Variants in SCAMP1 observed in about 807,000 individuals in gnomAD.
SCAMP1 encodes secretory carrier-associated membrane protein 1.
SCAMP1 carries 15 observed loss-of-function variants against 41.8 expected under a neutral mutation model. That is an observed-to-expected ratio of 0.36 (90% confidence interval 0.24 to 0.55). The LOEUF is 0.55. Ranked by LOEUF, SCAMP1 falls within the 20% of genes least tolerant of loss-of-function variation. The pLI, the probability that SCAMP1 is intolerant of heterozygous loss-of-function variation, is 0.86. For synonymous variants in SCAMP1, 135 were observed against 136.8 expected (o/e 0.99, Z 0.09); for missense variants, 341 against 412.6 (o/e 0.83, Z 1.50).
intron 2 of SCAMP1, among the ~76,000 whole-genome samples, chr5:78,408,458 T>A (rs1169484522): frequency 6.6e-6 from 1 of 152,206 alleles, no homozygotes; most frequent in Non-Finnish European, 1.5e-5. Flanking sequence ...TTAATGTTTG[T>A]TCCTCTACTT....
intron 8 of SCAMP1, among the ~76,000 whole-genome samples, chr5:78,467,032 A>G (rs985058127): frequency 1.6e-4 from 24 of 152,178 alleles, no homozygotes; most frequent in African/African-American, 5.8e-4. Flanking sequence ...TTTGGGGATC[A>G]AGATGTTTTC....
chr5:78,423,910 T>A (rs1221101624), intron 6 of SCAMP1, among the ~76,000 whole-genome samples: 1 of 151,780 alleles, frequency 6.6e-6, no homozygotes, highest in East Asian at 1.9e-4. Context: ...AATGGCTTGA[T>A]CTCGGTTCAC....
chr5:78,417,071 T>G (rs1752228093), intron 4 of SCAMP1, among the ~76,000 whole-genome samples: 1 of 152,194 alleles, frequency 6.6e-6, no homozygotes, highest in South Asian at 2.1e-4. Context: ...TTTTGTCAAA[T>G]CATGTTAGAA....
chr5:78,413,638 G>A (rs62362631), intron 2 of SCAMP1, among the ~76,000 whole-genome samples: 41,418 of 151,920 alleles, frequency 0.27, 5,939 homozygotes, highest in East Asian at 0.54. Flanking sequence ...GGGTGGTCTC[G>A]AACTCCTGAG....
chr5:78,448,892 C>T (rs746761138), intron 6 of SCAMP1, among the ~76,000 whole-genome samples: 2 of 151,798 alleles, frequency 1.3e-5, no homozygotes, highest in Non-Finnish European at 2.9e-5. Flanking sequence ...CCCAACTACT[C>T]GGGAGGCTGA....
At chr5:78,453,295 C>T (rs796740045) in intron 7 of SCAMP1, among the ~76,000 whole-genome samples, 3,343 of 150,562 alleles carry the variant, frequency 0.022, 157 homozygotes, top group Admixed American at 0.12. Context: ...CCCAGGTTTT[C>T]TTCTAGGGTT....
Position 78,415,532 on chromosome 5 carries a change from G to C in SCAMP1, c.148G>C (p.Gly50Arg). 1 of 1,601,644 alleles carries C rather than the reference G, an allele frequency of 6.2e-7. No homozygotes were observed. The highest frequency in any genetic ancestry group is 8.5e-7 in the Non-Finnish European group (1 of 1,172,936). ...TTAATCCTCCTAGCCTCCACCAGGC[G>C]GTGTGAAGATGCCTAATGTACCCAA... Reference protein sequence around the residue: ...FSDSRTPPPGGVKMPNVPNTQ... With the variant: ...FSDSRTPPPGRVKMPNVPNTQ... Residue 50 changes from glycine to arginine, a missense_variant, in exon 3 of 9, where the codon GGT becomes CGT. By Grantham distance (125) the Gly-to-Arg change is moderately radical. Coordinates refer to ENST00000621999, the MANE Select transcript of SCAMP1 (RefSeq NM_004866.6).
chr5:78,433,917 C>CTCTAATCCTGTCTA (rs1487006821), intron 6 of SCAMP1, among the ~76,000 whole-genome samples: 1 of 152,280 alleles, frequency 6.6e-6, no homozygotes, highest in South Asian at 2.1e-4. Context: ...ATTCCTGTCC[C>CTCTAATCCTGTCTA]ACCTCCAGGG....
intron 1 of SCAMP1, among the ~76,000 whole-genome samples, chr5:78,362,191 CA>C (rs1750674142): frequency 6.6e-6 from 1 of 152,042 alleles, no homozygotes; most frequent in Non-Finnish European, 1.5e-5. Context: ...AGAGACCGTT[CA>C]TAAATTGTTA....
chr5:78,394,197 T>C (rs1751587870), intron 2 of SCAMP1, among the ~76,000 whole-genome samples: 1 of 152,162 alleles, frequency 6.6e-6, no homozygotes, highest in South Asian at 2.1e-4. Context: ...AATTGGTTTA[T>C]GTAAGGAAGT....
chr5:78,421,534 G>T (rs997257293), intron 5 of SCAMP1, among the ~76,000 whole-genome samples: 2 of 152,092 alleles, frequency 1.3e-5, no homozygotes, highest in African/African-American at 4.8e-5. Context: ...TGCGCCTCTG[G>T]TTTAGCTACA....
intron 1 of SCAMP1, chr5:78,370,530 G>A (rs907607242): frequency 1.8e-4 from 28 of 152,138 alleles, no homozygotes; most frequent in African/African-American, 5.1e-4. Flanking sequence ...CTTCTCCTTG[G>A]CATTTGGCTT....
In SCAMP1 at chr5:78,480,517, A is replaced by AC. The variant is rs1561295675; in HGVS notation, c.*4849_*4850insC. Among the ~76,000 whole-genome samples the AC allele has an allele frequency of 3.9e-5, 6 of 152,168 alleles. No homozygotes were observed. The highest frequency in any genetic ancestry group is 7.3e-5 in the Non-Finnish European group (5 of 68,030). ...TGGCAGTTTGTAGTAGTATTCAGGT[A>AC]TTTTGGGGATGGGGGAAAACACCAA... On this transcript the variant is annotated 3_prime_UTR_variant, in exon 9 of 9. Transcript: ENST00000621999.
chr5:78,407,149 A>G (rs1407750960), intron 2 of SCAMP1, among the ~76,000 whole-genome samples: 1 of 152,182 alleles, frequency 6.6e-6, no homozygotes, highest in Non-Finnish European at 1.5e-5. Context: ...GTGCCCAGTG[A>G]GATAGAGAGG....
intron 6 of SCAMP1, among the ~76,000 whole-genome samples, chr5:78,423,325 G>T (rs1752386812): frequency 6.6e-6 from 1 of 152,180 alleles, no homozygotes; most frequent in African/African-American, 2.4e-5. Context: ...AGATGGGTTG[G>T]AGAGGAATGA....
intron 1 of SCAMP1, among the ~76,000 whole-genome samples, chr5:78,361,786 C>T (rs900847632): frequency 6.6e-6 from 1 of 152,214 alleles, no homozygotes; most frequent in African/African-American, 2.4e-5. Context: ...AAAACAGGAA[C>T]TCTAATTTGT....
chr5:78,385,384 A>G (rs1270629463), intron 1 of SCAMP1, among the ~76,000 whole-genome samples: 1 of 151,478 alleles, frequency 6.6e-6, no homozygotes, highest in Non-Finnish European at 1.5e-5. Context: ...TTTATTTCTC[A>G]TTTCAAAGAA....
intron 2 of SCAMP1, among the ~76,000 whole-genome samples, chr5:78,391,702 T>C (rs1245179344): frequency 1.3e-5 from 2 of 152,190 alleles, no homozygotes; most frequent in Non-Finnish European, 2.9e-5. Flanking sequence ...GCCACCGCAC[T>C]CCAGCCTGGG....
chr5:78,389,011 TA>T (rs1486286763), intron 2 of SCAMP1, 97 bp downstream of exon 2: 1 of 594,248 alleles, frequency 1.7e-6, no homozygotes, highest in Non-Finnish European at 2.9e-6. Context: ...TACACTTAAA[TA>T]AAACAAATTG....
Sources: gnomAD v4.1 joint callset for allele counts (sites outside exome capture counted in the v4.1 genomes callset) on GRCh38, gnomAD v4.1.1 for gene constraint, MANE v1.5 for transcripts, NCBI Gene and HGNC (gene_info 2026-07-23, HGNC 2026-07-21) for gene names.